The following TBCE variants were observed in gnomAD, a reference collection of about 807,000 sequenced individuals.
TBCE encodes tubulin-specific chaperone E.
TBCE carries 53 observed loss-of-function variants against 77.0 expected under a neutral mutation model. The observed-to-expected ratio is 0.69, with a 90% CI of 0.55 to 0.87. The LOEUF (loss-of-function observed/expected upper bound fraction) is 0.87. Ranked by LOEUF, TBCE falls within the 40% of genes least tolerant of loss-of-function variation. The probability of loss-of-function intolerance (pLI) is 0.00; values close to 1 mark genes in which losing one functional copy is unlikely to be tolerated. For synonymous variants in TBCE, 235 were observed against 241.3 expected (o/e 0.97, Z 0.24); for missense variants, 624 against 622.4 (o/e 1.00, Z -0.03).
At chr1:235,419,153 G>T in intron 4 of TBCE, 1 of 408,570 alleles carries the variant, frequency 2.4e-6, no homozygotes, top group Non-Finnish European at 4.6e-6. Flanking sequence ...GTTGCAGTGA[G>T]TCTAGATTGT....
intron 14 of TBCE, among the ~76,000 whole-genome samples, chr1:235,442,235 A>G (rs112244673): frequency 0.011 from 1,683 of 152,150 alleles, 12 homozygotes; most frequent in South Asian, 0.016. Context: ...CAGTGGCACG[A>G]TCTTGGCTCA....
At position 235,378,526 on chromosome 1, in the gene TBCE, C is replaced by T. The variant is rs1016098593; in HGVS notation, c.-31-1493C>T. ...GGCATGAGCAACCGTGCCCAGCCAA[C>T]ACTGCTAGCTTTTTAAAACAGAAAG... On this transcript the variant is annotated intron_variant, in intron 1 of 16. Coordinates refer to ENST00000642610, the MANE Select transcript of TBCE (RefSeq NM_003193.5). 3.3e-5 allele frequency among the ~76,000 whole-genome samples: 5 copies of T among 152,200 alleles called. 1 individual carries two copies. The East Asian group carries it at 7.7e-4, about 23-fold the overall frequency.
At chr1:235,394,384 T>C (rs1213368622) in intron 2 of TBCE, among the ~76,000 whole-genome samples, 1 of 151,056 alleles carries the variant, frequency 6.6e-6, no homozygotes. Context: ...TGTAATGAAT[T>C]TTATTATAGA....
Position 235,419,360 on chromosome 1 carries a change from T to C in TBCE, c.372-113T>C, listed in dbSNP as rs1404305494. On this transcript the variant is annotated intron_variant, in intron 4 of 16. Transcript: ENST00000642610. ...TAATTTGGGTGGTGGTTACTGGTAT[T>C]TGTATATTATTTTTGGTACCCTTTT... 3.6e-5 allele frequency: 52 copies of C among 1,461,156 alleles called. No homozygotes were observed. The Admixed American group carries it at 9.7e-4, about 27-fold the overall frequency. The allele number at this position is 1,461,156 out of a possible 1,614,324, so 90.5% of individuals were successfully genotyped here.
At chr1:235,398,436 G>A (rs1678878124) in intron 2 of TBCE, among the ~76,000 whole-genome samples, 1 of 151,764 alleles carries the variant, frequency 6.6e-6, no homozygotes, top group African/African-American at 2.4e-5. Context: ...GTGAGCCACC[G>A]TGCCCGGGTA....
chr1:235,403,721 G>A (rs1338895629), intron 3 of TBCE, among the ~76,000 whole-genome samples: 4 of 152,184 alleles, frequency 2.6e-5, no homozygotes, highest in Non-Finnish European at 5.9e-5. Context: ...TTGGTTCAGG[G>A]ACATTGAGTC....
intron 3 of TBCE, among the ~76,000 whole-genome samples, chr1:235,404,289 AAATT>A (rs199796440): frequency 0.47 from 70,949 of 149,688 alleles, 17,038 homozygotes; most frequent in East Asian, 0.64. Context: ...GAAAAAAAAA[AAATT>A]AAGCAGTGTG....
intron 2 of TBCE, among the ~76,000 whole-genome samples, chr1:235,398,781 T>C (rs1229643797): frequency 2.8e-5 from 4 of 144,610 alleles, no homozygotes; most frequent in African/African-American, 1.0e-4. Flanking sequence ...CTCGGAAGGC[T>C]AAGGCAAAAG....
chr1:235,451,382 C>T lies in TBCE; in HGVS notation c.*2620C>T, dbSNP rs1013003588. On this transcript the variant is annotated 3_prime_UTR_variant, in exon 17 of 17. Transcript: ENST00000642610. ...TCATAGATGGTAGTATTCCTAGATG[C>T]ATGGCAGAAAAAAATGTAAATATGT... 7 of 145,838 alleles carry T rather than the reference C, an allele frequency of 4.8e-5. No homozygotes were observed. The highest frequency in any genetic ancestry group is 1.8e-4 in the African/African-American group (7 of 39,100). 9.0% of individuals were successfully genotyped at this position (145,838 alleles called of 1,614,324 possible).
intron 3 of TBCE, among the ~76,000 whole-genome samples, chr1:235,409,686 G>GT (rs1051619672): frequency 2.2e-4 from 33 of 150,264 alleles, no homozygotes; most frequent in African/African-American, 6.4e-4. Flanking sequence ...ATGACTTCTT[G>GT]TTTTTTTACC....
chr1:235,394,138 A>C (rs1003555774), intron 2 of TBCE, among the ~76,000 whole-genome samples: 2 of 151,756 alleles, frequency 1.3e-5, no homozygotes, highest in African/African-American at 4.8e-5. Context: ...GCAGTGGTGC[A>C]ATCTCAGCTC....
chr1:235,379,256 A>G (rs907519133), intron 1 of TBCE, among the ~76,000 whole-genome samples: 14 of 151,964 alleles, frequency 9.2e-5, no homozygotes, highest in Admixed American at 9.2e-4. Context: ...GGCCGGGCGC[A>G]GTGGCTCATG....
intron 1 of TBCE, among the ~76,000 whole-genome samples, chr1:235,370,661 T>C (rs1401152944): frequency 6.6e-6 from 1 of 151,688 alleles, no homozygotes; most frequent in Non-Finnish European, 1.5e-5. Flanking sequence ...CACTCCATAA[T>C]ATAATTGTTG....
At chr1:235,379,598 T>C (rs936385606) in intron 1 of TBCE, among the ~76,000 whole-genome samples, 6 of 151,900 alleles carry the variant, frequency 3.9e-5, no homozygotes, top group African/African-American at 1.2e-4. Flanking sequence ...GAGACCCACA[T>C]CCGTCATCAC....
At chr1:235,410,029 C>CAAACAA (rs1038986026) in intron 3 of TBCE, among the ~76,000 whole-genome samples, 36 of 147,998 alleles carry the variant, frequency 2.4e-4, no homozygotes, top group African/African-American at 8.6e-4. Context: ...GACTCTGTCT[C>CAAACAA]AAACAAAAAC....
chr1:235,426,311 G>A (rs915418412), intron 5 of TBCE, among the ~76,000 whole-genome samples: 11 of 152,146 alleles, frequency 7.2e-5, no homozygotes, highest in African/African-American at 2.7e-4. Context: ...CAGTTGGAGT[G>A]ATACTGTTAC....
At chr1:235,413,135 T>A (rs1679908967) in intron 3 of TBCE, among the ~76,000 whole-genome samples, 1 of 152,196 alleles carries the variant, frequency 6.6e-6, no homozygotes. Flanking sequence ...AGGTCTGATT[T>A]CTTTCTTTAA....
chr1:235,435,607 G>T (rs1295222839), intron 8 of TBCE, 138 bp from the exon 9 acceptor site: 9 of 734,652 alleles, frequency 1.2e-5, no homozygotes, highest in Non-Finnish European at 2.1e-5. Context: ...GGACCACTCA[G>T]GTTGCCCCTT....
Position 235,388,645 on chromosome 1 carries a change from A to G in TBCE, c.100+8496A>G, listed in dbSNP as rs145428704. 5.9e-5 allele frequency among the ~76,000 whole-genome samples: 9 copies of G among 152,278 alleles called. No homozygotes were observed. In the East Asian group the frequency reaches 1.7e-3, roughly 29 times the overall value. ...TCTCAGGTTCTTGACATATGTTGCC[A>G]AATTGTTGTCTGCAAGTCAGTCAAT... On this transcript the variant is annotated intron_variant, in intron 2 of 16. Coordinates refer to ENST00000642610, the MANE Select transcript of TBCE (RefSeq NM_003193.5).
Sources: gnomAD v4.1 joint callset for allele counts (sites outside exome capture counted in the v4.1 genomes callset) on GRCh38, gnomAD v4.1.1 for gene constraint, MANE v1.5 for transcripts, NCBI Gene and HGNC (gene_info 2026-07-23, HGNC 2026-07-21) for gene names.